VPS8: variants seen among roughly 807,000 people sequenced by gnomAD.
The protein encoded by VPS8 is VPS8 subunit of CORVET complex, also known as vacuolar protein sorting-associated protein 8 homolog.
VPS8 carries 129 observed loss-of-function variants against 216.4 expected under a neutral mutation model. The observed-to-expected ratio is 0.60, with a 90% CI of 0.52 to 0.69. The LOEUF (loss-of-function observed/expected upper bound fraction) is 0.69. Among genes scored for constraint, VPS8 ranks in the 30% least tolerant of loss-of-function variants. VPS8 has a pLI of 0.00. For missense variants in VPS8, 1,531 were observed against 1,683.5 expected, an observed-to-expected ratio of 0.91 and a Z score of 1.59; for synonymous variants, 571 against 565.4, an observed-to-expected ratio of 1.01 and a Z score of -0.14.
Position 184,996,337 on chromosome 3 carries a change from G to A in VPS8, c.3672G>A (p.Leu1224=). The change falls in exon 44 of 48, where the codon CTG becomes CTA. Residue 1224 remains leucine (L), a synonymous_variant. Transcript: ENST00000625842. ...MLDTFNYEQT[L]LETTTSLLNQ... ...TTTGTTTTGGTGTTTCATAGACCCT[G>A]CTGGAAACAACAACCAGCCTTCTAA... 2 of 1,610,906 alleles carry A rather than the reference G, an allele frequency of 1.2e-6. No homozygotes were observed. The highest frequency in any genetic ancestry group is 1.7e-6 in the Non-Finnish European group (2 of 1,178,604).
At chr3:184,860,437 AT>A (rs1726110168) in intron 15 of VPS8, among the ~76,000 whole-genome samples, 1 of 145,152 alleles carries the variant, frequency 6.9e-6, no homozygotes, top group South Asian at 2.2e-4. Context: ...ATATGTGTGT[AT>A]ATATATGTAT....
intron 15 of VPS8, among the ~76,000 whole-genome samples, chr3:184,861,087 G>A (rs1484656397): frequency 6.6e-6 from 1 of 152,156 alleles, no homozygotes; most frequent in East Asian, 1.9e-4. Context: ...CTCCCAAAGT[G>A]CTGGGATTAC....
intron 1 of VPS8, chr3:184,816,334 G>A (rs1577681990): frequency 6.6e-6 from 1 of 152,170 alleles, no homozygotes; most frequent in East Asian, 1.9e-4. Flanking sequence ...ACAATTCATA[G>A]CAGTAACTTA....
chr3:184,933,046 C>T (rs2077059378), intron 34 of VPS8, among the ~76,000 whole-genome samples: 1 of 152,238 alleles, frequency 6.6e-6, no homozygotes, highest in African/African-American at 2.4e-5. Context: ...GGACCTCCAC[C>T]TCAGACCTCC....
intron 21 of VPS8, among the ~76,000 whole-genome samples, chr3:184,871,550 G>T (rs1728352532): frequency 1.3e-5 from 2 of 151,846 alleles, no homozygotes; most frequent in Admixed American, 6.6e-5. Context: ...TTTGTTTTTT[G>T]ATTTTTTAAG....
intron 7 of VPS8, among the ~76,000 whole-genome samples, chr3:184,840,759 G>T (rs1457485103): frequency 4.0e-5 from 6 of 151,854 alleles, no homozygotes; most frequent in African/African-American, 1.5e-4. Flanking sequence ...TTTTTTTGGG[G>T]GGGGTCATTT....
chr3:184,872,438 TC>T (rs1385853623), intron 21 of VPS8, among the ~76,000 whole-genome samples: 1 of 152,058 alleles, frequency 6.6e-6, no homozygotes, highest in African/African-American at 2.4e-5. Flanking sequence ...TCTGATGCAT[TC>T]CTGTAGATGG....
intron 21 of VPS8, among the ~76,000 whole-genome samples, chr3:184,884,552 A>G (rs923637666): frequency 8.5e-5 from 13 of 152,166 alleles, no homozygotes; most frequent in Admixed American, 5.2e-4. Context: ...TGGTGAGTAT[A>G]AATTTACCCC....
intron 2 of VPS8, 120 bp downstream of exon 2, chr3:184,824,905 A>ATTT (rs71298576): frequency 5.0e-4 from 339 of 681,098 alleles, no homozygotes; most frequent in East Asian, 9.5e-4. Flanking sequence ...TCTGTGTATA[A>ATTT]TTTTTTTTTT....
At chr3:185,041,222 AG>A (rs1337030403) in intron 46 of VPS8, among the ~76,000 whole-genome samples, 44 of 152,054 alleles carry the variant, frequency 2.9e-4, no homozygotes, top group Non-Finnish European at 4.4e-5. Context: ...AAAAAAAAAA[AG>A]CCAAGGATAG....
intron 22 of VPS8, among the ~76,000 whole-genome samples, 195 bp from the exon 23 acceptor site, chr3:184,894,508 G>A (rs963931050): frequency 4.5e-4 from 60 of 133,108 alleles, no homozygotes; most frequent in South Asian, 7.5e-4. Flanking sequence ...ATATACACAC[G>A]TATATATATA....
chr3:184,964,201 T>G (rs1747004555), intron 37 of VPS8, among the ~76,000 whole-genome samples: 1 of 152,090 alleles, frequency 6.6e-6, no homozygotes. Context: ...AGTTAGCTTT[T>G]CTCCAGTGTG....
chr3:184,929,713 T>C (rs985833473), intron 33 of VPS8, 49 bp downstream of exon 33: 10 of 1,123,292 alleles, frequency 8.9e-6, no homozygotes, highest in Non-Finnish European at 1.2e-5. Context: ...ACTTTCCCTC[T>C]TATTGAGTAC....
intron 22 of VPS8, among the ~76,000 whole-genome samples, chr3:184,894,189 G>C (rs918535729): frequency 2.0e-5 from 3 of 152,066 alleles, no homozygotes; most frequent in African/African-American, 7.2e-5. Flanking sequence ...AGACAAAGAA[G>C]CATATTGACT....
intron 45 of VPS8, among the ~76,000 whole-genome samples, chr3:185,017,744 G>T (rs1211981423): frequency 6.6e-6 from 1 of 152,186 alleles, no homozygotes; most frequent in East Asian, 1.9e-4. Flanking sequence ...ATCTACTGTG[G>T]CACTACCGGC....
chr3:184,870,002 A>G (rs1472856393), intron 20 of VPS8, among the ~76,000 whole-genome samples: 3 of 152,198 alleles, frequency 2.0e-5, no homozygotes, highest in African/African-American at 7.2e-5. Context: ...AATAAAGTAC[A>G]TAGCCAAAAG....
intron 24 of VPS8, among the ~76,000 whole-genome samples, chr3:184,899,573 G>A (rs1047662779): frequency 6.6e-6 from 1 of 152,110 alleles, no homozygotes; most frequent in Non-Finnish European, 1.5e-5. Context: ...GTTTGGCCCT[G>A]ATTGTCTGTT....
chr3:184,893,933 T>C (rs957352730), intron 22 of VPS8, among the ~76,000 whole-genome samples: 1 of 152,202 alleles, frequency 6.6e-6, no homozygotes, highest in African/African-American at 2.4e-5. Context: ...GCTTATCATA[T>C]AATGTATGAA....
chr3:184,926,471 T>G (rs1292145020), intron 30 of VPS8, 123 bp from the exon 31 acceptor site: 1 of 885,338 alleles, frequency 1.1e-6, no homozygotes, highest in Non-Finnish European at 1.7e-6. Context: ...CCTACACCTG[T>G]GGTATTTGTT....
Sources: gnomAD v4.1 joint callset for allele counts (sites outside exome capture counted in the v4.1 genomes callset) on GRCh38, gnomAD v4.1.1 for gene constraint, MANE v1.5 for transcripts, NCBI Gene and HGNC (gene_info 2026-07-23, HGNC 2026-07-21) for gene names.